Variants in SNRNP40 observed in about 807,000 individuals in gnomAD.
The protein encoded by SNRNP40 is small nuclear ribonucleoprotein U5 subunit 40.
In SNRNP40, 21 loss-of-function variants were observed where a neutral mutation model predicts 45.8. The observed-to-expected ratio is 0.46, with a 90% CI of 0.32 to 0.66. The LOEUF is 0.66. Ranked by LOEUF, SNRNP40 falls within the 30% of genes least tolerant of loss-of-function variation. SNRNP40 has a pLI of 0.03. For synonymous variants in SNRNP40, 142 were observed against 163.8 expected, an observed-to-expected ratio of 0.87 and a Z score of 1.01; for missense variants, 344 against 439.1, an observed-to-expected ratio of 0.78 and a Z score of 1.94.
chr1:31,278,333 G>A (rs1457981185), intron 5 of SNRNP40, among the ~76,000 whole-genome samples: 3 of 152,160 alleles, frequency 2.0e-5, no homozygotes, highest in Non-Finnish European at 2.9e-5. Flanking sequence ...TTATTGTTAG[G>A]TTAGTCTATC....
intron 8 of SNRNP40, among the ~76,000 whole-genome samples, chr1:31,267,191 C>T (rs750101600): frequency 5.3e-5 from 8 of 151,968 alleles, no homozygotes; most frequent in Non-Finnish European, 1.2e-4. Context: ...ATTCCATGTG[C>T]GCAGCATTGT....
chr1:31,271,620 ATT>A, intron 5 of SNRNP40, 121 bp from the exon 6 acceptor site: 1 of 960,682 alleles, frequency 1.0e-6, no homozygotes, highest in Non-Finnish European at 1.5e-6. Context: ...AAAACACAGG[ATT>A]TCTGTCAAAG....
chr1:31,274,226 C>T (rs938149768), intron 5 of SNRNP40, among the ~76,000 whole-genome samples: 2 of 151,996 alleles, frequency 1.3e-5, no homozygotes, highest in African/African-American at 2.4e-5. Context: ...CTGGAAAGAT[C>T]CTTCTGACCC....
At chr1:31,276,215 G>A (rs1645973805) in intron 5 of SNRNP40, among the ~76,000 whole-genome samples, 1 of 152,206 alleles carries the variant, frequency 6.6e-6, no homozygotes, top group African/African-American at 2.4e-5. Flanking sequence ...AAGAAATGGA[G>A]ATGAGGTTAA....
At chr1:31,296,532 G>A in intron 1 of SNRNP40, 79 bp downstream of exon 1, 2 of 1,501,142 alleles carry the variant, frequency 1.3e-6, no homozygotes, top group Non-Finnish European at 1.8e-6. Flanking sequence ...TGCGGGAAAG[G>A]GTCAGGGATC....
chr1:31,264,004 T>C (rs991607922), intron 8 of SNRNP40, among the ~76,000 whole-genome samples: 5 of 152,014 alleles, frequency 3.3e-5, no homozygotes, highest in Admixed American at 6.6e-5. Flanking sequence ...CTTAATCTGA[T>C]GATGTAAAAT....
chr1:31,269,553 C>T, intron 6 of SNRNP40: 1 of 478,092 alleles, frequency 2.1e-6, no homozygotes. Context: ...CAAGATTTCT[C>T]TGCCAGCTTA....
intron 8 of SNRNP40, among the ~76,000 whole-genome samples, chr1:31,262,842 C>G (rs1418446450): frequency 6.6e-6 from 1 of 151,764 alleles, no homozygotes; most frequent in Non-Finnish European, 1.5e-5. Flanking sequence ...AACCCCATCT[C>G]TACAAAAAAA....
chr1:31,279,157 T>C (rs901929401), intron 5 of SNRNP40, among the ~76,000 whole-genome samples: 1 of 152,074 alleles, frequency 6.6e-6, no homozygotes, highest in African/African-American at 2.4e-5. Flanking sequence ...ATTAAGAGTA[T>C]AATTCTAGAA....
At chr1:31,278,259 C>T (rs1645990044) in intron 5 of SNRNP40, among the ~76,000 whole-genome samples, 1 of 152,028 alleles carries the variant, frequency 6.6e-6, no homozygotes, top group African/African-American at 2.4e-5. Flanking sequence ...AGGAACAGTC[C>T]AGATAAAGAG....
chr1:31,289,249 C>T lies in SNRNP40; in HGVS notation c.531+5G>A. ...GAAACTGGAACACGGAGAGACAATA[C>T]CCACCTTAACTGTGCCATCGTCACT... On this transcript the variant is annotated splice_donor_5th_base_variant and intron_variant, in intron 4 of 9. Coordinates refer to ENST00000263694, the MANE Select transcript of SNRNP40 (RefSeq NM_004814.3). 6.2e-7 allele frequency: 1 copy of T among 1,613,254 alleles called. No homozygotes were observed. The highest frequency in any genetic ancestry group is 8.5e-7 in the Non-Finnish European group (1 of 1,179,462).
intron 9 of SNRNP40, chr1:31,260,874 A>AAAAAG (rs1557671653): frequency 3.0e-4 from 198 of 650,500 alleles, no homozygotes; most frequent in Middle Eastern, 6.7e-4. Context: ...AAAAAAAAAA[A>AAAAAG]AAAAAAGTAT....
At chr1:31,293,990 GCT>G (rs750015360) in intron 1 of SNRNP40, among the ~76,000 whole-genome samples, 3 of 151,880 alleles carry the variant, frequency 2.0e-5, no homozygotes, top group Non-Finnish European at 4.4e-5. Flanking sequence ...ACAGAGTTTT[GCT>G]CTGTCACCCA....
intron 4 of SNRNP40, among the ~76,000 whole-genome samples, chr1:31,282,679 C>T (rs1015428779): frequency 1.3e-5 from 2 of 151,638 alleles, no homozygotes; most frequent in African/African-American, 4.8e-5. Flanking sequence ...TAATCTCTAT[C>T]TATCTATCTA....
chr1:31,296,012 C>A (rs551867351), intron 1 of SNRNP40, among the ~76,000 whole-genome samples: 1 of 152,178 alleles, frequency 6.6e-6, no homozygotes, highest in Non-Finnish European at 1.5e-5. Context: ...TTTCTCAGTT[C>A]GAAATCTGCT....
At chr1:31,285,794 A>G (rs998830529) in intron 4 of SNRNP40, among the ~76,000 whole-genome samples, 5 of 152,196 alleles carry the variant, frequency 3.3e-5, no homozygotes, top group Non-Finnish European at 5.9e-5. Flanking sequence ...TGAAAGTTAC[A>G]GGTCATCATC....
intron 5 of SNRNP40, among the ~76,000 whole-genome samples, chr1:31,277,203 A>G (rs1645981546): frequency 6.6e-6 from 1 of 152,186 alleles, no homozygotes; most frequent in Non-Finnish European, 1.5e-5. Flanking sequence ...TGAAAAAAGA[A>G]AAAAAGCATC....
intron 1 of SNRNP40, among the ~76,000 whole-genome samples, chr1:31,293,738 T>C (rs1001614): frequency 2.0e-5 from 3 of 151,852 alleles, no homozygotes; most frequent in South Asian, 2.1e-4. Flanking sequence ...TGAACTAGCA[T>C]GCCATGCTAA....
intron 6 of SNRNP40, among the ~76,000 whole-genome samples, chr1:31,270,878 CAAGT>C (rs1161557108): frequency 6.6e-6 from 1 of 152,034 alleles, no homozygotes; most frequent in African/African-American, 2.4e-5. Context: ...AACTCAAAAA[CAAGT>C]AAAGAGAAAG....
Sources: allele counts gnomAD v4.1 joint callset (sites outside exome capture counted in the v4.1 genomes callset), GRCh38; gene constraint gnomAD v4.1.1; transcripts MANE v1.5; gene names NCBI Gene and HGNC (gene_info 2026-07-23, HGNC 2026-07-21).